The following FAM83H variants were observed in gnomAD, a reference collection of about 807,000 sequenced individuals.
The protein encoded by FAM83H is scaffolding CK1 anchoring protein H.
Under a neutral mutation model 30.2 loss-of-function variants are expected in FAM83H, and 24 were observed. The observed-to-expected ratio is 0.79, with a 90% CI of 0.57 to 1.12. FAM83H has a LOEUF of 1.12. FAM83H is among the 50% of genes most tolerant of loss of function. The probability of loss-of-function intolerance (pLI) is 0.00; values close to 1 mark genes in which losing one functional copy is unlikely to be tolerated. For missense variants in FAM83H, 2,038 were observed against 1,773.9 expected (o/e 1.15, Z -2.67); for synonymous variants, 1,013 against 821.7 (o/e 1.23, Z -3.98).
Position 143,727,806 on chromosome 8 carries a change from G to T in FAM83H, c.1655C>A (p.Ala552Asp). ...GGGGTCTGGGCCCGGCCTCGCCGCG[G>T]CCTGGCATGGGAAGCGCTGGGTCAG... ...PNLTQRFPCQAAARPGPDPAP... is the reference protein window; with the variant it reads ...PNLTQRFPCQDAARPGPDPAP... Residue 552 changes from alanine to aspartate, a missense_variant, in exon 5 of 5, where the codon GCC becomes GAC. Physicochemically the swap from Ala to Asp is moderately radical, Grantham distance 126. Transcript: ENST00000388913. The T allele has an allele frequency of 7.5e-7, 1 of 1,338,624 alleles. No individual in the cohort carries two copies. The highest frequency in any genetic ancestry group is 9.5e-7 in the Non-Finnish European group (1 of 1,053,840). 82.9% of individuals were successfully genotyped at this position (1,338,624 alleles called of 1,614,324 possible).
intron 1 of FAM83H, among the ~76,000 whole-genome samples, chr8:143,730,981 G>C (rs963316359): frequency 1.3e-5 from 2 of 152,130 alleles, no homozygotes; most frequent in Admixed American, 1.3e-4. Flanking sequence ...CATAGTCCCA[G>C]GCACTTGGGA....
At chr8:143,730,639 G>C in intron 1 of FAM83H, 42 bp from the exon 2 acceptor site, 8 of 1,356,400 alleles carry the variant, frequency 5.9e-6, no homozygotes, top group Non-Finnish European at 6.9e-6. Context: ...TGGGGGCACT[G>C]GGACCACTCC....
At chr8:143,730,008 C>G in intron 2 of FAM83H, 128 bp downstream of exon 2, 1 of 859,182 alleles carries the variant, frequency 1.2e-6, no homozygotes, top group South Asian at 1.9e-5. Context: ...AAGATCTTTG[C>G]CAGGGACCCC....
Position 143,726,643 on chromosome 8 carries a change from T to C in FAM83H, c.2818A>G (p.Thr940Ala). 6.3e-7 allele frequency: 1 copy of C among 1,598,054 alleles called. No homozygotes were observed. The highest frequency in any genetic ancestry group is 8.5e-7 in the Non-Finnish European group (1 of 1,177,602). The change falls in exon 5 of 5, where the codon ACC becomes GCC. Residue 940 changes from threonine (T) to alanine (A), a missense_variant. Physicochemically the swap from Thr to Ala is moderately conservative, Grantham distance 58. Coordinates refer to ENST00000388913, the MANE Select transcript of FAM83H (RefSeq NM_198488.5). ...VPERRGSLTL[T>A]ISGESPKAGP... is the part of the protein sequence containing the mutation. Reference sequence around the variant, plus strand: ...GCCTTCGGGGACTCCCCGGAGATGGTAAGGGTGAGGCTGCCCCTGCGCTCC... The same window carrying C: ...GCCTTCGGGGACTCCCCGGAGATGGCAAGGGTGAGGCTGCCCCTGCGCTCC...
rs561916419 is a variant in FAM83H at position 143,728,162 on chromosome 8, C to T, written c.1299G>A (p.Thr433=). 7 of 1,607,780 alleles carry T rather than the reference C, an allele frequency of 4.4e-6. No individual in the cohort carries two copies. The highest frequency in any genetic ancestry group is 2.2e-5 in the South Asian group (2 of 90,896). The change falls in exon 5 of 5, where the codon ACG becomes ACA. Residue 433 remains threonine, a synonymous_variant. Transcript: ENST00000388913. ...GGAAGTCGTCGCCGTGGCTGAGGAA[C>T]GTCTGCCGCGACACCTGCCGCGCGG... ...FAAARQVSRQ[T]FLSHGDDFRF...
Position 143,727,365 on chromosome 8 carries a change from G to T in FAM83H, c.2096C>A (p.Ala699Asp). ...CTGCACCTTCTCAGTGGCCGCCGCA[G>T]CCCCGGCCGCGCCCTCGGCCTGTGA... is the stretch of plus-strand genomic sequence containing the variant. ...STSQAEGAAG[A>D]AAATEKVQLL... Residue 699 changes from alanine (A) to aspartate (D), a missense_variant, in exon 5 of 5, where the codon GCT (alanine) becomes GAT (aspartate). Ala to Asp is a moderately radical substitution (Grantham distance 126). Transcript: ENST00000388913. The T allele has an allele frequency of 6.4e-7, 1 of 1,569,474 alleles. No individual in the cohort carries two copies. Among genetic ancestry groups the T allele is most frequent in the Non-Finnish European group, 8.6e-7 (1 of 1,166,034 alleles).
At position 143,727,086 on chromosome 8, in the gene FAM83H, T is replaced by A; in HGVS notation, c.2375A>T (p.Asp792Val). The A allele has an allele frequency of 6.5e-7, 1 of 1,543,588 alleles. No homozygotes were observed. The highest frequency in any genetic ancestry group is 1.2e-5 in the South Asian group (1 of 84,928). Residue 792 changes from aspartate (D) to valine (V), a missense_variant, in exon 5 of 5, where the codon GAC becomes GTC. Asp to Val is a radical substitution (Grantham distance 152). Transcript: ENST00000388913. Reference sequence around the variant, plus strand: ...CTGCTGTGCAAAGGAGTCGCGCAGGTCCAGCAGGCAGCTCTCGAGGCTGCG... The same window carrying A: ...CTGCTGTGCAAAGGAGTCGCGCAGGACCAGCAGGCAGCTCTCGAGGCTGCG... Reference protein sequence around the residue: ...ERRSLESCLLDLRDSFAQQLH... With the variant: ...ERRSLESCLLVLRDSFAQQLH...
chr8:143,727,028 G>A lies in FAM83H; in HGVS notation c.2433C>T (p.Ala811=), dbSNP rs781983772. The change falls in exon 5 of 5, where the codon GCC becomes GCT. Residue 811 remains alanine (A), a synonymous_variant. Coordinates refer to ENST00000388913, the MANE Select transcript of FAM83H (RefSeq NM_198488.5). ...LHQEAERQPG[A]ASLTAAQLLD... is the part of the protein sequence containing the mutation. Reference sequence around the variant, plus strand: ...GCAGCTGCGCCGCGGTGAGCGACGCGGCTCCCGGCTGCCGCTCCGCCTCCT... The same window carrying A: ...GCAGCTGCGCCGCGGTGAGCGACGCAGCTCCCGGCTGCCGCTCCGCCTCCT... 1 of 1,559,832 alleles carries A rather than the reference G, an allele frequency of 6.4e-7. No individual in the cohort carries two copies. Among genetic ancestry groups the A allele is most frequent in the South Asian group, 1.2e-5 (1 of 86,776 alleles).
Position 143,726,082 on chromosome 8 carries a change from G to T in FAM83H, c.3379C>A (p.Arg1127Ser). Residue 1127 changes from arginine (R) to serine (S), a missense_variant, in exon 5 of 5, where the codon CGC (arginine) becomes AGC (serine). Coordinates refer to ENST00000388913, the MANE Select transcript of FAM83H (RefSeq NM_198488.5). ...DRLLRRMESM[R>S]KEKRVYSRFE... ...CGGCTGTACACGCGCTTCTCCTTGCGCATGCTCTCCATGCGGCGCAGCAGC... is the reference window on the plus strand; with the variant it reads ...CGGCTGTACACGCGCTTCTCCTTGCTCATGCTCTCCATGCGGCGCAGCAGC... 1 of 1,611,788 alleles carries T rather than the reference G, an allele frequency of 6.2e-7. No individual in the cohort carries two copies. Among genetic ancestry groups the T allele is most frequent in the Non-Finnish European group, 8.5e-7 (1 of 1,179,556 alleles).
At position 143,729,008 on chromosome 8, in the gene FAM83H, G is replaced by C; in HGVS notation, c.696C>G (p.Phe232Leu). 6.2e-7 allele frequency: 1 copy of C among 1,613,726 alleles called. No homozygotes were observed. Among genetic ancestry groups the C allele is most frequent in the Non-Finnish European group, 8.5e-7 (1 of 1,180,008 alleles). The change falls in exon 4 of 5, where the codon TTC becomes TTG. Residue 232 changes from phenylalanine (F) to leucine (L), a missense_variant. Transcript: ENST00000388913. Reference protein sequence around the residue: ...KSFKGHVKEKFLLVDCAVVMS... With the variant: ...KSFKGHVKEKLLLVDCAVVMS... ...TCACCACGGCACAGTCCACCAGCAG[G>C]AACTTCTCCTTGACGTGGCCCTTGA...
intron 2 of FAM83H, 31 bp downstream of exon 2, chr8:143,730,105 C>T (rs781989554): frequency 6.0e-6 from 9 of 1,497,672 alleles, no homozygotes. Flanking sequence ...CAGGCCCCTC[C>T]CCCACTACCC....
At chr8:143,732,734 C>T (rs1183962889) in intron 1 of FAM83H, 2 of 985,236 alleles carry the variant, frequency 2.0e-6, no homozygotes, top group Non-Finnish European at 2.4e-6. Flanking sequence ...GGGGCTGCAG[C>T]CACTCCCGAG....
In FAM83H at chr8:143,726,130, C is replaced by T. The variant is rs782486096; in HGVS notation, c.3331G>A (p.Ala1111Thr). Reference sequence around the variant, plus strand: ...AGCCGATCGCGCTCCTCCGCGCTGGCTGGCAGCGTGCGGCTCAGCCGGCCC... The same window carrying T: ...AGCCGATCGCGCTCCTCCGCGCTGGTTGGCAGCGTGCGGCTCAGCCGGCCC... ...TQGRLSRTLP[A>T]SAEERDRLLR... is the part of the protein sequence containing the mutation. Residue 1111 changes from alanine (A) to threonine (T), a missense_variant, in exon 5 of 5, where the codon GCC becomes ACC. Ala to Thr is a moderately conservative substitution (Grantham distance 58). Coordinates refer to ENST00000388913, the MANE Select transcript of FAM83H (RefSeq NM_198488.5). 6.2e-7 allele frequency: 1 copy of T among 1,611,526 alleles called. No individual in the cohort carries two copies. The highest frequency in any genetic ancestry group is 8.5e-7 in the Non-Finnish European group (1 of 1,179,352).
chr8:143,728,287 C>CCGCGAGCTCCCCAGCCGG lies in FAM83H; in HGVS notation c.1156_1173dup (p.Pro386_Ala391dup), dbSNP rs1450982551. The CCGCGAGCTCCCCAGCCGG allele has an allele frequency of 4.5e-5, 68 of 1,506,310 alleles. No homozygotes were observed. The highest frequency in any genetic ancestry group is 6.0e-5 in the Non-Finnish European group (68 of 1,130,620). The allele number at this position is 1,506,310 out of a possible 1,614,324, so 93.3% of individuals were successfully genotyped here. A position where few individuals can be genotyped will look rare whatever the true frequency, so the allele number is the denominator to read the frequency against. ...CGCGCCTGGAAGAAGCCCCGCGCGC[C>CCGCGAGCTCCCCAGCCGG]CGCGAGCTCCCCAGCCGGCCCGGCC... is the stretch of plus-strand genomic sequence containing the variant. On this transcript the variant is annotated inframe_insertion, in exon 5 of 5. Coordinates refer to ENST00000388913, the MANE Select transcript of FAM83H (RefSeq NM_198488.5).
In FAM83H at chr8:143,726,515, C is replaced by T; in HGVS notation, c.2946G>A (p.Glu982=). The T allele has an allele frequency of 6.2e-7, 1 of 1,606,028 alleles. No homozygotes were observed. The highest frequency in any genetic ancestry group is 8.5e-7 in the Non-Finnish European group (1 of 1,179,712). ...GCGGCACTGGGAAGCCACCCTCATCCTCCATGCGCCGCTCGCCCTTGGGGC... is the reference window on the plus strand; with the variant it reads ...GCGGCACTGGGAAGCCACCCTCATCTTCCATGCGCCGCTCGCCCTTGGGGC... ...LLSPKGERRM[E]DEGGFPVPQE... Residue 982 remains glutamate, a synonymous_variant, in exon 5 of 5, where the codon GAG becomes GAA. Transcript: ENST00000388913.
intron 1 of FAM83H, among the ~76,000 whole-genome samples, chr8:143,732,877 CCTGACCT>C (rs1450449492): frequency 2.6e-5 from 4 of 151,812 alleles, no homozygotes; most frequent in African/African-American, 4.8e-5. Flanking sequence ...CTTGCTGACC[CCTGACCT>C]CTGACTCGAA....
Position 143,727,319 on chromosome 8 carries a change from C to T in FAM83H, c.2142G>A (p.Thr714=). 1.3e-6 allele frequency: 2 copies of T among 1,551,858 alleles called. No homozygotes were observed. The highest frequency in any genetic ancestry group is 1.7e-6 in the Non-Finnish European group (2 of 1,155,702). Residue 714 remains threonine, a synonymous_variant, in exon 5 of 5, where the codon ACG becomes ACA. Transcript: ENST00000388913. ...CGCCGGGCCCCAGCGTCTCGCTGAC[C>T]GTCTGCTCCTTGTGCAGCAGCTGCA... The part of the protein sequence containing the change: ...EKVQLLHKEQ[T]VSETLGPGGE...
rs782065057 is a variant in FAM83H, at chr8:143,728,734, G to T, written c.738-11C>A. On this transcript the variant is annotated splice_polypyrimidine_tract_variant and intron_variant, in intron 4 of 4. Coordinates refer to ENST00000388913, the MANE Select transcript of FAM83H (RefSeq NM_198488.5). ...AAGGACCACATGAAGCTGTGGGGGG[G>T]TCAGGGCCAGAGTCAAACCGAGCTG... The T allele has an allele frequency of 1.9e-6, 3 of 1,598,786 alleles. No homozygotes were observed. The highest frequency in any genetic ancestry group is 2.2e-5 in the East Asian group (1 of 44,870).
Position 143,725,654 on chromosome 8 carries a change from C to T in FAM83H, c.*267G>A, listed in dbSNP as rs562975067. On this transcript the variant is annotated 3_prime_UTR_variant, in exon 5 of 5. Transcript: ENST00000388913. ...CAGACGCTGCGCCACGCAAGGCTGA[C>T]GGTGCAGAGATGAAGGTGCTGAGGG... 8.5e-6 allele frequency: 5 copies of T among 588,086 alleles called. No individual in the cohort carries two copies. Among genetic ancestry groups the T allele is most frequent in the South Asian group, 8.3e-5 (4 of 48,396 alleles). The allele number at this position is 588,086 out of a possible 1,614,324, so 36.4% of individuals were successfully genotyped here. A position where few individuals can be genotyped will look rare whatever the true frequency, so the allele number is the denominator to read the frequency against.
Sources: allele counts gnomAD v4.1 joint callset (sites outside exome capture counted in the v4.1 genomes callset), GRCh38; gene constraint gnomAD v4.1.1; transcripts MANE v1.5; gene names NCBI Gene and HGNC (gene_info 2026-07-23, HGNC 2026-07-21).